Variants in SBNO2 observed in about 807,000 individuals in gnomAD.
The protein encoded by SBNO2 is strawberry notch homolog 2, also known as protein strawberry notch homolog 2.
SBNO2 carries 89 observed loss-of-function variants against 146.3 expected under a neutral mutation model. The observed-to-expected ratio is 0.61, with a 90% CI of 0.51 to 0.73. SBNO2 has a LOEUF of 0.73. SBNO2 is among the 30% of genes least tolerant of loss of function. The probability of loss-of-function intolerance (pLI) is 0.00; values close to 1 mark genes in which losing one functional copy is unlikely to be tolerated. For missense variants in SBNO2, 2,092 were observed against 2,003.7 expected, an observed-to-expected ratio of 1.04 and a Z score of -0.84; for synonymous variants, 1,147 against 892.6, an observed-to-expected ratio of 1.29 and a Z score of -5.08.
At chr19:1,145,246 C>T (rs1327284426) in intron 4 of SBNO2, among the ~76,000 whole-genome samples, 1 of 149,776 alleles carries the variant, frequency 6.7e-6, no homozygotes, top group Non-Finnish European at 1.5e-5. Flanking sequence ...GCGGGCGGAT[C>T]ACCACAGGTC....
chr19:1,172,325 C>A (rs2080485836), intron 1 of SBNO2, among the ~76,000 whole-genome samples: 1 of 152,198 alleles, frequency 6.6e-6, no homozygotes, highest in Admixed American at 6.5e-5. Context: ...CAAATTCGCC[C>A]TTTCTCGGCA....
chr19:1,118,869 CAAAAAAACAACA>C, intron 14 of SBNO2, 130 bp downstream of exon 14: 4 of 839,992 alleles, frequency 4.8e-6, no homozygotes. Flanking sequence ...GAGACTGTCT[CAAAAAAACAACA>C]AAAAAAAAAC....
At chr19:1,114,779 C>T (rs546269082) in intron 17 of SBNO2, among the ~76,000 whole-genome samples, 34 of 152,240 alleles carry the variant, frequency 2.2e-4, no homozygotes, top group African/African-American at 7.7e-4. Flanking sequence ...GGATTACAGG[C>T]GCCCACCACC....
At position 1,144,779 on chromosome 19, in the gene SBNO2, A is replaced by AAGAGACAGAGACAGAGAGGGAGACAG. The variant is rs944767939; in HGVS notation, c.279+2504_279+2529dup. On this transcript the variant is annotated intron_variant, in intron 4 of 31. Coordinates refer to ENST00000361757, the MANE Select transcript of SBNO2 (RefSeq NM_014963.3). This position sits in a 1 kb window ranked among gnomAD's most constrained non-coding sequence, Gnocchi z 4.1. ...AGACAGAGAGACAGAGGCAGAGACA[A>AAGAGACAGAGACAGAGAGGGAGACAG]AGAGACAGAGACAGAGAGGGAGACA... Among the ~76,000 whole-genome samples, 4 of 139,168 alleles carry AAGAGACAGAGACAGAGAGGGAGACAG rather than the reference A, an allele frequency of 2.9e-5. No individual in the cohort carries two copies. Among genetic ancestry groups the AAGAGACAGAGACAGAGAGGGAGACAG allele is most frequent in the Non-Finnish European group, 4.7e-5 (3 of 64,056 alleles). The allele number at this position is 139,168 out of a possible 152,430, so 91.3% of individuals were successfully genotyped here.
Position 1,119,176 on chromosome 19 carries a change from C to T in SBNO2, c.1374-12G>A. ...TGGCGCCAACGCCCCTGCGGATGGA[C>T]ACAGCCCCCGTGAGCACGGCCAGAG... On this transcript the variant is annotated splice_polypyrimidine_tract_variant and intron_variant, in intron 13 of 31. Coordinates refer to ENST00000361757, the MANE Select transcript of SBNO2 (RefSeq NM_014963.3). 1 of 1,588,134 alleles carries T rather than the reference C, an allele frequency of 6.3e-7. No individual in the cohort carries two copies. Among genetic ancestry groups the T allele is most frequent in the African/African-American group, 1.3e-5 (1 of 74,618 alleles).
intron 4 of SBNO2, among the ~76,000 whole-genome samples, chr19:1,129,026 A>T (rs747384374): frequency 4.0e-5 from 6 of 151,390 alleles, no homozygotes; most frequent in Non-Finnish European, 8.8e-5. Flanking sequence ...CAGCACTTTG[A>T]GAAGCCAAGG....
intron 4 of SBNO2, among the ~76,000 whole-genome samples, chr19:1,139,762 T>A (rs1460816519): frequency 6.6e-6 from 1 of 151,840 alleles, no homozygotes; most frequent in Non-Finnish European, 1.5e-5. Context: ...GCCATTGCAC[T>A]CCAGCCTGGG....
In SBNO2 at chr19:1,128,228, G is replaced by A. The variant is rs1054609162; in HGVS notation, c.280-463C>T. On this transcript the variant is annotated intron_variant, in intron 4 of 31. Transcript: ENST00000361757. The stretch of plus-strand genomic sequence containing the variant: ...CGTCTGACTTCTGCAGCACCTGAAG[G>A]GCAGCAATGCTGCAGGAACTCTGAG... 14 of 497,990 alleles carry A rather than the reference G, an allele frequency of 2.8e-5. No homozygotes were observed. The Middle Eastern group carries it at 1.3e-3, about 45-fold the overall frequency. The allele number at this position is 497,990 out of a possible 1,614,324, so 30.8% of individuals were successfully genotyped here.
chr19:1,111,071 A>G lies in SBNO2; in HGVS notation c.2832T>C (p.Ser944=). Residue 944 remains serine, a synonymous_variant, in exon 25 of 32, where the codon TCT becomes TCC. Transcript: ENST00000361757. ...FFRDMKQGLL[S]VGIGGRESRN... ...GGGACTCCCGGCCACCAATGCCCAC[A>G]GACAGCAGGCCCTGCTTCATGTCTG... 6.4e-7 allele frequency: 1 copy of G among 1,559,246 alleles called. No individual in the cohort carries two copies. The highest frequency in any genetic ancestry group is 8.7e-7 in the Non-Finnish European group (1 of 1,152,990).
intron 14 of SBNO2, among the ~76,000 whole-genome samples, chr19:1,118,602 C>T (rs1568569093): frequency 6.6e-6 from 1 of 152,218 alleles, no homozygotes; most frequent in African/African-American, 2.4e-5. Flanking sequence ...GGGCACGTGG[C>T]TCACGCCTGT....
In SBNO2 at chr19:1,120,029, G is replaced by A. The variant is rs2079881743; in HGVS notation, c.1150-6C>T. 5.2e-6 allele frequency: 8 copies of A among 1,549,124 alleles called. No homozygotes were observed. Among genetic ancestry groups the A allele is most frequent in the African/African-American group, 1.4e-5 (1 of 73,024 alleles). On this transcript the variant is annotated splice_polypyrimidine_tract_variant and splice_region_variant and intron_variant, in intron 11 of 31. Transcript: ENST00000361757. The stretch of plus-strand genomic sequence containing the variant: ...TGACACTCGTCGAACACGATCTGAG[G>A]CACACGTGGGTTAAGGAGTATTCTG...
rs527398463 is a variant in SBNO2, at chr19:1,132,292, C to T, written c.280-4527G>A. The T allele has an allele frequency of 3.0e-4, 392 of 1,310,344 alleles. 2 individuals carry two copies. The African/African-American group carries it at 5.4e-3, about 18-fold the overall frequency. The allele number at this position is 1,310,344 out of a possible 1,614,324, so 81.2% of individuals were successfully genotyped here. On this transcript the variant is annotated intron_variant, in intron 4 of 31. Coordinates refer to ENST00000361757, the MANE Select transcript of SBNO2 (RefSeq NM_014963.3). ...TGCATGTCGGTTTAGTCACCGCCGC[C>T]GGCGCCTACTTCCTCTAAGGCCGGG...
chr19:1,147,536 G>A (rs2080204574), intron 3 of SBNO2, 116 bp from the exon 4 acceptor site: 1 of 577,628 alleles, frequency 1.7e-6, no homozygotes. Flanking sequence ...ACTGGAGTGT[G>A]CCCAGCCCGG....
At chr19:1,156,427 AGGAGGC>A (rs888654590) in intron 1 of SBNO2, among the ~76,000 whole-genome samples, 24 of 152,226 alleles carry the variant, frequency 1.6e-4, no homozygotes, top group Middle Eastern at 3.4e-3. Flanking sequence ...GCCCAAAACC[AGGAGGC>A]GGAGGCGGAG....
intron 1 of SBNO2, among the ~76,000 whole-genome samples, chr19:1,172,784 CCCG>C (rs1284414475): frequency 4.4e-5 from 4 of 90,282 alleles, no homozygotes; most frequent in African/African-American, 1.6e-4. Flanking sequence ...AACCGCCCCC[CCCG>C]CCCCGGCAAA....
intron 18 of SBNO2, 96 bp from the exon 19 acceptor site, chr19:1,113,800 C>T: frequency 7.4e-7 from 1 of 1,360,470 alleles, no homozygotes; most frequent in Non-Finnish European, 9.5e-7. Context: ...GGACAAGGGG[C>T]CCGGGGCAAC....
intron 4 of SBNO2, among the ~76,000 whole-genome samples, chr19:1,147,077 A>G (rs2080197714): frequency 6.6e-6 from 1 of 152,048 alleles, no homozygotes; most frequent in Non-Finnish European, 1.5e-5. Context: ...AGGGACCCCA[A>G]GGGCTGGGCG....
intron 2 of SBNO2, among the ~76,000 whole-genome samples, chr19:1,149,864 T>C (rs545931409): frequency 6.6e-6 from 1 of 152,176 alleles, no homozygotes; most frequent in African/African-American, 2.4e-5. Context: ...CCGCTGCCTG[T>C]GGTGGAGGGT....
At position 1,116,844 on chromosome 19, in the gene SBNO2, A is replaced by T. The variant is rs1169341751; in HGVS notation, c.1787T>A (p.Phe596Tyr). 9 of 1,590,602 alleles carry T rather than the reference A, an allele frequency of 5.7e-6. No individual in the cohort carries two copies. Among genetic ancestry groups the T allele is most frequent in the Non-Finnish European group, 6.0e-6 (7 of 1,170,116 alleles). ...TGACACTTACTCAGCGGCCGAGACG[A>T]AGCAGTTGAGGTGCCCATCGTTCTC... ...LGENDGHLNC[F>Y]VSAAEGVFLS... is the part of the protein sequence containing the mutation. The change falls in exon 16 of 32, where the codon TTC (phenylalanine) becomes TAC (tyrosine). Residue 596 changes from phenylalanine (F) to tyrosine (Y), a missense_variant. Transcript: ENST00000361757.
Sources: gnomAD v4.1 joint callset for allele counts (sites outside exome capture counted in the v4.1 genomes callset) on GRCh38, gnomAD v4.1.1 for gene constraint, Gnocchi (gnomAD v3.1) non-coding constraint, MANE v1.5 for transcripts, NCBI Gene and HGNC (gene_info 2026-07-23, HGNC 2026-07-21) for gene names.